MMS22L: variants seen among roughly 807,000 people sequenced by gnomAD.
The protein encoded by MMS22L is MMS22 like, DNA repair protein.
Under a neutral mutation model 159.1 loss-of-function variants are expected in MMS22L, and 74 were observed. That is an observed-to-expected ratio of 0.47 (90% CI 0.39 to 0.56). The LOEUF (loss-of-function observed/expected upper bound fraction) is 0.56, where lower values mean the gene tolerates loss of function less well. Among genes scored for constraint, MMS22L ranks in the 20% least tolerant of loss-of-function variants. MMS22L has a pLI of 0.00. For missense variants in MMS22L, 1,351 were observed against 1,422.1 expected (o/e 0.95, Z 0.80); for synonymous variants, 517 against 506.9 (o/e 1.02, Z -0.27).
intron 23 of MMS22L, 51 bp downstream of exon 23, chr6:97,151,720 G>T: frequency 7.1e-7 from 1 of 1,410,494 alleles, no homozygotes. Context: ...CATGTTGGCT[G>T]TCAAATGGCT....
chr6:97,282,349 A>G lies in MMS22L; in HGVS notation c.129T>C (p.Ser43=), dbSNP rs1374469970. 6.2e-7 allele frequency: 1 copy of G among 1,614,160 alleles called. No homozygotes were observed. Among genetic ancestry groups the G allele is most frequent in the African/African-American group, 1.3e-5 (1 of 75,034 alleles). The change falls in exon 2 of 25, where the codon TCT becomes TCC. Residue 43 remains serine, a synonymous_variant. Transcript: ENST00000683635. ...VDNRGGGKHF[S]GESYLCSGAL... ...CTCCGCTGCAGAGGTAGGATTCTCC[A>G]GAAAAATGTTTTCCTCCTCCTCTGT... is the stretch of plus-strand genomic sequence containing the variant.
rs1285499868 is a variant in MMS22L, at chr6:97,236,003, G to A, written c.1183-2023C>T. Among the ~76,000 whole-genome samples, 4 of 152,086 alleles carry A rather than the reference G, an allele frequency of 2.6e-5. No individual in the cohort carries two copies. In the South Asian group the frequency reaches 8.3e-4, roughly 32 times the overall value. On this transcript the variant is annotated intron_variant, in intron 11 of 24. Transcript: ENST00000683635. ...GGCAAGATGTTAACCCGAATGGATT[G>A]GAGAAGAGTACGTATTAAATTTTAT...
At chr6:97,281,410 T>C (rs1471294353) in intron 2 of MMS22L, 48 bp from the exon 3 acceptor site, 1 of 1,440,194 alleles carries the variant, frequency 6.9e-7, no homozygotes, top group South Asian at 1.3e-5. Flanking sequence ...CTAAGTACCA[T>C]AATACGACGG....
intron 11 of MMS22L, among the ~76,000 whole-genome samples, chr6:97,240,064 C>A (rs572504184): frequency 1.3e-5 from 2 of 152,174 alleles, no homozygotes; most frequent in African/African-American, 2.4e-5. Flanking sequence ...AAGTACATGA[C>A]CATGGTCAGA....
chr6:97,235,799 T>C (rs1364127971), intron 11 of MMS22L, among the ~76,000 whole-genome samples: 2 of 152,116 alleles, frequency 1.3e-5, no homozygotes, highest in Middle Eastern at 3.4e-3. Context: ...CTTGAACAGG[T>C]GAGAAGAGTT....
intron 11 of MMS22L, 86 bp from the exon 12 acceptor site, chr6:97,234,066 G>T: frequency 1.4e-6 from 2 of 1,398,986 alleles, no homozygotes; most frequent in Non-Finnish European, 1.9e-6. Flanking sequence ...TATATAACCT[G>T]CAGCTAAAAA....
chr6:97,144,840 C>T lies in MMS22L; in HGVS notation c.*1966G>A, dbSNP rs1331571417. On this transcript the variant is annotated 3_prime_UTR_variant, in exon 25 of 25. Coordinates refer to ENST00000683635, the MANE Select transcript of MMS22L (RefSeq NM_001350599.2). Reference sequence around the variant, plus strand: ...AAATACAAAACATATAATACACACACATATTGTTACACACTTTGTTGTTAC... The same window carrying T: ...AAATACAAAACATATAATACACACATATATTGTTACACACTTTGTTGTTAC... 6.6e-6 allele frequency: 1 copy of T among 151,938 alleles called. No individual in the cohort carries two copies. Among genetic ancestry groups the T allele is most frequent in the Non-Finnish European group, 1.5e-5 (1 of 67,992 alleles). 9.4% of individuals were successfully genotyped at this position (151,938 alleles called of 1,614,324 possible). A position where few individuals can be genotyped will look rare whatever the true frequency, so the allele number is the denominator to read the frequency against.
chr6:97,230,355 T>A (rs866832247), intron 13 of MMS22L: 30 of 148,388 alleles, frequency 2.0e-4, no homozygotes, highest in African/African-American at 6.5e-4. Context: ...TACGCCCACC[T>A]CAGCCTCCCA....
upstream of MMS22L, chr6:97,283,328 A>G (rs1054307004): frequency 3.3e-5 from 5 of 151,456 alleles, no homozygotes; most frequent in African/African-American, 7.3e-5. Context: ...GGGACGAGGT[A>G]CTGAGAAACT....
chr6:97,232,411 T>C (rs1810967624), intron 12 of MMS22L, among the ~76,000 whole-genome samples: 1 of 152,202 alleles, frequency 6.6e-6, no homozygotes, highest in Non-Finnish European at 1.5e-5. Flanking sequence ...CTCTAAAATA[T>C]AGTTTGTATT....
intron 12 of MMS22L, among the ~76,000 whole-genome samples, chr6:97,232,809 A>C (rs897888665): frequency 2.6e-5 from 4 of 152,072 alleles, no homozygotes; most frequent in African/African-American, 9.7e-5. Context: ...TTTACTTGTA[A>C]ATCTTCCATT....
intron 21 of MMS22L, among the ~76,000 whole-genome samples, chr6:97,164,746 A>G (rs1423438763): frequency 6.6e-6 from 1 of 151,986 alleles, no homozygotes; most frequent in East Asian, 1.9e-4. Flanking sequence ...CCTCCTGAGT[A>G]GCTGGGATTA....
chr6:97,267,501 T>C (rs1815249123), intron 8 of MMS22L: 2 of 153,064 alleles, frequency 1.3e-5, no homozygotes, highest in African/African-American at 4.8e-5. Flanking sequence ...AAGCATTTAT[T>C]TTATTATTAC....
intron 9 of MMS22L, chr6:97,260,404 C>T (rs920350454): frequency 2.0e-5 from 3 of 152,046 alleles, no homozygotes; most frequent in East Asian, 1.9e-4. Context: ...TTCTTCTATG[C>T]CCCTTATTAA....
At chr6:97,242,443 T>C (rs1250889469) in intron 11 of MMS22L, among the ~76,000 whole-genome samples, 1 of 152,246 alleles carries the variant, frequency 6.6e-6, no homozygotes, top group East Asian at 1.9e-4. Context: ...TCCATTTGAA[T>C]GGACTATCTT....
intron 24 of MMS22L, among the ~76,000 whole-genome samples, chr6:97,149,647 A>G (rs1801124814): frequency 6.6e-6 from 1 of 152,208 alleles, no homozygotes; most frequent in South Asian, 2.1e-4. Flanking sequence ...ATGCAAATTT[A>G]TGTATTGATT....
Position 97,186,682 on chromosome 6 carries a change from T to C in MMS22L, c.2048A>G (p.His683Arg), listed in dbSNP as rs779403774. Reference protein sequence around the residue: ...QAVLARIRSMHQQLCQELQRD... With the variant: ...QAVLARIRSMRQQLCQELQRD... The stretch of plus-strand genomic sequence containing the variant: ...TTGAAGTTCCTGACACAATTGTTGA[T>C]GCATACTCCTAAAAAGAAATAAAAA... The change falls in exon 15 of 25, where the codon CAT (histidine) becomes CGT (arginine). Residue 683 changes from histidine to arginine, a missense_variant. Coordinates refer to ENST00000683635, the MANE Select transcript of MMS22L (RefSeq NM_001350599.2). The C allele has an allele frequency of 6.5e-7, 1 of 1,542,848 alleles. No individual in the cohort carries two copies. Among genetic ancestry groups the C allele is most frequent in the Non-Finnish European group, 8.7e-7 (1 of 1,145,316 alleles).
chr6:97,165,896 TC>T (rs968121238), intron 20 of MMS22L, among the ~76,000 whole-genome samples: 2 of 152,030 alleles, frequency 1.3e-5, no homozygotes, highest in African/African-American at 2.4e-5. Flanking sequence ...AATCTGATAA[TC>T]TTTTTTAAAG....
intron 11 of MMS22L, among the ~76,000 whole-genome samples, chr6:97,237,609 G>A (rs1811553975): frequency 6.6e-6 from 1 of 152,176 alleles, no homozygotes; most frequent in African/African-American, 2.4e-5. Context: ...ATACGCCACG[G>A]TGCCTGTTTC....
Sources: gnomAD v4.1 joint callset for allele counts (sites outside exome capture counted in the v4.1 genomes callset) on GRCh38, gnomAD v4.1.1 for gene constraint, MANE v1.5 for transcripts, NCBI Gene and HGNC (gene_info 2026-07-23, HGNC 2026-07-21) for gene names.